Variants in ATRNL1 observed in about 807,000 individuals in gnomAD.
The protein encoded by ATRNL1 is attractin like 1.
ATRNL1 carries 95 observed loss-of-function variants against 182.7 expected under a neutral mutation model. That is an observed-to-expected ratio of 0.52 (90% confidence interval 0.44 to 0.62). ATRNL1 has a LOEUF of 0.62. Ranked by LOEUF, ATRNL1 falls within the 20% of genes least tolerant of loss-of-function variation. ATRNL1 has a pLI of 0.00. For synonymous variants in ATRNL1, 576 were observed against 568.3 expected, an observed-to-expected ratio of 1.01 and a Z score of -0.19; for missense variants, 1,471 against 1,679.5, an observed-to-expected ratio of 0.88 and a Z score of 2.17.
intron 8 of ATRNL1, among the ~76,000 whole-genome samples, chr10:115,198,310 T>G (rs1554891538): frequency 6.6e-6 from 1 of 152,188 alleles, no homozygotes; most frequent in East Asian, 1.9e-4. Flanking sequence ...TTGTGTATCT[T>G]CTTTTGAGAA....
At chr10:115,788,067 G>A (rs1406496789) in intron 27 of ATRNL1, among the ~76,000 whole-genome samples, 5 of 152,134 alleles carry the variant, frequency 3.3e-5, no homozygotes, top group African/African-American at 9.7e-5. Flanking sequence ...ATACAGGTAC[G>A]TAACATTTTC....
intron 8 of ATRNL1, 23 bp downstream of exon 8, chr10:115,171,315 T>G: frequency 6.6e-7 from 1 of 1,520,396 alleles, no homozygotes; most frequent in South Asian, 1.3e-5. Context: ...AAAATTGTAA[T>G]TTCTTTATTG....
chr10:115,590,307 T>C (rs544168395), intron 26 of ATRNL1, among the ~76,000 whole-genome samples: 1 of 152,346 alleles, frequency 6.6e-6, no homozygotes, highest in Non-Finnish European at 1.5e-5. Flanking sequence ...CTTGAATCTT[T>C]AGTGTCACCC....
intron 13 of ATRNL1, among the ~76,000 whole-genome samples, chr10:115,274,630 C>T (rs1852024100): frequency 6.6e-6 from 1 of 152,114 alleles, no homozygotes; most frequent in Non-Finnish European, 1.5e-5. Flanking sequence ...AGTGTGATGT[C>T]TTGTGGAATA....
Position 115,177,710 on chromosome 10 carries a change from A to G in ATRNL1, c.1348+6418A>G, listed in dbSNP as rs1185170172. Among the ~76,000 whole-genome samples, 3 of 151,816 alleles carry G rather than the reference A, an allele frequency of 2.0e-5. No individual in the cohort carries two copies. The East Asian group carries it at 5.8e-4, about 29-fold the overall frequency. ...TGCCTGTCTCGCACTCCTGACCTCA[A>G]GAGATCTGCCTGTTTTGACGTCCCA... On this transcript the variant is annotated intron_variant, in intron 8 of 28. Transcript: ENST00000355044.
chr10:115,800,663 C>T (rs1434628241), intron 27 of ATRNL1, among the ~76,000 whole-genome samples: 1 of 152,090 alleles, frequency 6.6e-6, no homozygotes, highest in Admixed American at 6.5e-5. Context: ...TAGCTTGAAG[C>T]CCTAACCCCC....
In ATRNL1 at chr10:115,722,565, G is replaced by A. The variant is rs1013104387; in HGVS notation, c.3796-4683G>A. ...ACTTGTATTACTGTATGCTAAGTAT[G>A]TTTGTGTTAATAACAGAAAGCCTCT... On this transcript the variant is annotated intron_variant, in intron 26 of 28. Transcript: ENST00000355044. Among the ~76,000 whole-genome samples the A allele has an allele frequency of 1.3e-4, 20 of 152,150 alleles. 1 individual carries two copies. Among genetic ancestry groups the A allele is most frequent in the Admixed American group, 1.3e-3 (20 of 15,282 alleles).
chr10:115,481,041 A>T (rs1310121563), intron 24 of ATRNL1, among the ~76,000 whole-genome samples: 1 of 150,702 alleles, frequency 6.6e-6, no homozygotes, highest in Non-Finnish European at 1.5e-5. Flanking sequence ...CATTAATTAT[A>T]TTTTGAAATC....
intron 1 of ATRNL1, among the ~76,000 whole-genome samples, chr10:115,105,410 A>G (rs755153116): frequency 2.6e-5 from 4 of 152,218 alleles, no homozygotes; most frequent in East Asian, 1.9e-4. Context: ...CAGCCTGACA[A>G]TGATAGAAAA....
intron 1 of ATRNL1, 91 bp downstream of exon 1, chr10:115,094,134 T>G (rs1276657753): frequency 8.3e-7 from 1 of 1,208,516 alleles, no homozygotes. Context: ...CCCGCCCCCG[T>G]CGCTGCCTCT....
rs1554995037 is a variant in ATRNL1 at position 115,549,809 on chromosome 10, AT to A, written c.3795+277del. 3.3e-5 allele frequency among the ~76,000 whole-genome samples: 5 copies of A among 152,144 alleles called. No individual in the cohort carries two copies. The South Asian group carries it at 8.3e-4, about 25-fold the overall frequency. On this transcript the variant is annotated intron_variant, in intron 26 of 28. Coordinates refer to ENST00000355044, the MANE Select transcript of ATRNL1 (RefSeq NM_207303.4). ...TGAATACAATTATTATGTTTAAAAA[AT>A]TTTGTAATATATTTAACAGGCATTT... is the stretch of plus-strand genomic sequence containing the variant.
chr10:115,420,279 G>T (rs1845591739), intron 20 of ATRNL1, among the ~76,000 whole-genome samples: 1 of 151,828 alleles, frequency 6.6e-6, no homozygotes. Flanking sequence ...CCTGACCTTA[G>T]GTGATCCACC....
intron 28 of ATRNL1, among the ~76,000 whole-genome samples, chr10:115,867,125 C>T (rs1258480102): frequency 1.3e-5 from 2 of 151,990 alleles, no homozygotes; most frequent in Non-Finnish European, 2.9e-5. Flanking sequence ...GAGTAAAAAA[C>T]ATATTTTTTT....
At chr10:115,145,798 A>G (rs765819799) in intron 5 of ATRNL1, among the ~76,000 whole-genome samples, 4 of 152,048 alleles carry the variant, frequency 2.6e-5, no homozygotes, top group Non-Finnish European at 4.4e-5. Context: ...CATATCTTCC[A>G]CTTCTTATTA....
At chr10:115,246,549 C>A (rs1850651504) in intron 10 of ATRNL1, among the ~76,000 whole-genome samples, 1 of 127,166 alleles carries the variant, frequency 7.9e-6, no homozygotes, top group Non-Finnish European at 1.7e-5. Context: ...GAATCTCTCT[C>A]ATTCTTTTTT....
At chr10:115,864,188 G>A (rs1555104120) in intron 28 of ATRNL1, among the ~76,000 whole-genome samples, 1 of 151,558 alleles carries the variant, frequency 6.6e-6, no homozygotes, top group East Asian at 2.0e-4. Flanking sequence ...GATCCCATGA[G>A]ATTGAGGCTG....
intron 27 of ATRNL1, among the ~76,000 whole-genome samples, chr10:115,816,447 A>G (rs1950166708): frequency 6.6e-6 from 1 of 152,170 alleles, no homozygotes; most frequent in African/African-American, 2.4e-5. Context: ...ACTCATAAGA[A>G]TTTCTATAGA....
chr10:115,155,156 T>G (rs1424936034), intron 5 of ATRNL1, among the ~76,000 whole-genome samples: 2 of 152,128 alleles, frequency 1.3e-5, no homozygotes, highest in Non-Finnish European at 2.9e-5. Flanking sequence ...TGGATTTTTT[T>G]TCTATCCCTT....
chr10:115,495,432 C>T (rs1849496542), intron 24 of ATRNL1, among the ~76,000 whole-genome samples: 1 of 152,054 alleles, frequency 6.6e-6, no homozygotes, highest in Admixed American at 6.6e-5. Context: ...TGAGATCATT[C>T]TAACTTTTTG....
Sources: gnomAD v4.1 joint callset for allele counts (sites outside exome capture counted in the v4.1 genomes callset) on GRCh38, gnomAD v4.1.1 for gene constraint, MANE v1.5 for transcripts, NCBI Gene and HGNC (gene_info 2026-07-23, HGNC 2026-07-21) for gene names.